VASH2: variants seen among roughly 807,000 people sequenced by gnomAD.
VASH2 encodes the protein vasohibin 2.
Under a neutral mutation model 37.2 loss-of-function variants are expected in VASH2, and 28 were observed. The ratio of observed to expected loss-of-function variants is 0.75; its 90% CI spans 0.56 to 1.03. The LOEUF is 1.03. Among genes scored for constraint, VASH2 ranks in the 50% least tolerant of loss-of-function variants. VASH2 has a pLI of 0.00. For synonymous variants in VASH2, 188 were observed against 174.7 expected, an observed-to-expected ratio of 1.08 and a Z score of -0.60; for missense variants, 419 against 459.1, an observed-to-expected ratio of 0.91 and a Z score of 0.80.
chr1:212,955,608 C>T (rs1168956903), intron 2 of VASH2, among the ~76,000 whole-genome samples: 1 of 152,224 alleles, frequency 6.6e-6, no homozygotes, highest in African/African-American at 2.4e-5. Context: ...TGGAACTGGA[C>T]TCTCCTTGGG....
At chr1:212,978,943 G>T (rs181815680) in intron 7 of VASH2, among the ~76,000 whole-genome samples, 10 of 152,344 alleles carry the variant, frequency 6.6e-5, no homozygotes, top group Admixed American at 2.0e-4. Flanking sequence ...GGTGTTTGAG[G>T]AGGGAAGATT....
In VASH2 at chr1:212,951,409, CGAG is replaced by C; in HGVS notation, c.-133_-131del. The C allele has an allele frequency of 5.8e-6, 2 of 346,150 alleles. No homozygotes were observed. Among genetic ancestry groups the C allele is most frequent in the Non-Finnish European group, 8.2e-6 (2 of 242,774 alleles). 21.4% of individuals were successfully genotyped at this position (346,150 alleles called of 1,614,324 possible). On this transcript the variant is annotated 5_prime_UTR_variant, in exon 2 of 8. Coordinates refer to ENST00000517399, the MANE Select transcript of VASH2 (RefSeq NM_001301056.2). This position sits in a 1 kb window ranked among gnomAD's most constrained non-coding sequence, Gnocchi z 4.4. ...TCCCCCTTGGTGAGTCCTGCCGCAGCGAGAGGCATGGAGAAGGCCGCCCCCGCG... is the reference window on the plus strand; with the variant it reads ...TCCCCCTTGGTGAGTCCTGCCGCAGCAGGCATGGAGAAGGCCGCCCCCGCG...
At chr1:212,967,008 G>A in intron 5 of VASH2, 4 of 885,256 alleles carry the variant, frequency 4.5e-6, no homozygotes, top group Non-Finnish European at 6.6e-6. Context: ...GCCTCCCAAA[G>A]TGTTGAGATT....
rs373652651 is a variant in VASH2 at position 212,963,007 on chromosome 1, T to A, written c.365+1753T>A. On this transcript the variant is annotated intron_variant, in intron 3 of 7. Transcript: ENST00000517399. ...TTTTTTTTAACTTAAAGTCAACTGA[T>A]TATAGGCTTTAAGGTTCCCCACTTC... is the stretch of plus-strand genomic sequence containing the variant. Among the ~76,000 whole-genome samples the A allele has an allele frequency of 8.5e-5, 13 of 152,144 alleles. No homozygotes were observed. The East Asian group carries it at 1.9e-3, about 23-fold the overall frequency.
In VASH2 at chr1:212,955,272, A is replaced by G. The variant is rs553175945; in HGVS notation, c.276+3454A>G. On this transcript the variant is annotated intron_variant, in intron 2 of 7. Transcript: ENST00000517399. ...TGCATGGAGGACTAAATGACACTTC[A>G]TTTGACTACAGGACATTCCCTTAGC... 8.5e-5 allele frequency among the ~76,000 whole-genome samples: 13 copies of G among 152,316 alleles called. 1 individual carries two copies. The South Asian group carries it at 2.5e-3, about 29-fold the overall frequency.
chr1:212,972,456 GA>G, intron 5 of VASH2, 123 bp from the exon 6 acceptor site: 1 of 1,174,968 alleles, frequency 8.5e-7, no homozygotes, highest in Admixed American at 2.3e-5. Context: ...GGAAAAGTTA[GA>G]TGTGGGCCTG....
At chr1:212,966,178 T>A (rs1031422313) in intron 4 of VASH2, 93 bp from the exon 5 acceptor site, 40 of 1,104,074 alleles carry the variant, frequency 3.6e-5, no homozygotes, top group Non-Finnish European at 5.1e-5. Flanking sequence ...GTGTGGTTCC[T>A]GGTGTGGGGA....
intron 2 of VASH2, chr1:212,952,450 AAAG>A (rs1666344660): frequency 1.3e-5 from 2 of 152,666 alleles, no homozygotes; most frequent in East Asian, 1.9e-4. Context: ...CTCCAAGAAA[AAAG>A]AAAGACTTTT....
intron 5 of VASH2, chr1:212,968,852 T>G: frequency 1.0e-6 from 1 of 985,468 alleles, no homozygotes; most frequent in African/African-American, 1.7e-5. Context: ...GTAGACAAGC[T>G]AACTTCAGAC....
chr1:212,972,181 A>G (rs1228166252), intron 5 of VASH2, among the ~76,000 whole-genome samples: 1 of 152,128 alleles, frequency 6.6e-6, no homozygotes, highest in Non-Finnish European at 1.5e-5. Flanking sequence ...AAGAATACCT[A>G]AGCTAGGATG....
At position 212,988,166 on chromosome 1, in the gene VASH2, C is replaced by T. The variant is rs79278133; in HGVS notation, c.996-346C>T. Among the ~76,000 whole-genome samples the T allele has an allele frequency of 8.9e-3, 1,349 of 152,296 alleles. 45 individuals carry two copies. The highest frequency in any genetic ancestry group is 0.072 in the East Asian group (373 of 5,176). On this transcript the variant is annotated intron_variant, in intron 7 of 7. Transcript: ENST00000517399. ...AATTTGACTCAGATTCTTGGCTCTA[C>T]TGTAGTGTATGTGACTTTTAGACCC... is the stretch of plus-strand genomic sequence containing the variant.
At chr1:212,979,123 A>G (rs1055171980) in intron 7 of VASH2, among the ~76,000 whole-genome samples, 7 of 152,210 alleles carry the variant, frequency 4.6e-5, no homozygotes, top group East Asian at 3.8e-4. Flanking sequence ...TTCCCTCTCT[A>G]GATTCCAGCT....
rs146317814 is a variant in VASH2 at position 212,971,485 on chromosome 1, C to T, written c.498-1095C>T. On this transcript the variant is annotated intron_variant, in intron 5 of 7. Coordinates refer to ENST00000517399, the MANE Select transcript of VASH2 (RefSeq NM_001301056.2). This position sits in a 1 kb window ranked among gnomAD's most constrained non-coding sequence, Gnocchi z 4.0. ...GGCAGGCTGTCGGGCACAGCAGACA[C>T]TCAGGGTAAGTGTTTGTCACACTGA... is the stretch of plus-strand genomic sequence containing the variant. 4.6e-3 allele frequency among the ~76,000 whole-genome samples: 705 copies of T among 152,316 alleles called. 6 individuals are homozygous for T. The highest frequency in any genetic ancestry group is 7.6e-3 in the Non-Finnish European group (518 of 68,032).
At chr1:212,964,841 C>G (rs1347200323) in intron 3 of VASH2, among the ~76,000 whole-genome samples, 1 of 152,188 alleles carries the variant, frequency 6.6e-6, no homozygotes, top group Non-Finnish European at 1.5e-5. Flanking sequence ...TTCCATCCAT[C>G]CATATATTCA....
At position 212,961,180 on chromosome 1, in the gene VASH2, G is replaced by T. The variant is rs1249483645; in HGVS notation, c.291G>T (p.Gln97His). 2 of 1,614,014 alleles carry T rather than the reference G, an allele frequency of 1.2e-6. No homozygotes were observed. Among genetic ancestry groups the T allele is most frequent in the South Asian group, 2.2e-5 (2 of 91,070 alleles). Residue 97 changes from glutamine (Q) to histidine (H), a missense_variant, in exon 3 of 8, where the codon CAG (glutamine) becomes CAT (histidine). Physicochemically the swap from Gln to His is conservative, Grantham distance 24. Around this residue, in one of 3 missense-constraint regions of VASH2, gnomAD observed 158 missense variants for 163.0 expected, o/e 0.97. Coordinates refer to ENST00000517399, the MANE Select transcript of VASH2 (RefSeq NM_001301056.2). ...TTTTTCTGCAGCCTTCAATACCCCA[G>T]GTCCCAAACTACAGGCTGTCGATGA... ...AAFLAKPSIP[Q>H]VPNYRLSMTI...
In VASH2 at chr1:212,991,584, A is replaced by T. The variant is rs2075860735; in HGVS notation, c.*3000A>T. On this transcript the variant is annotated 3_prime_UTR_variant, in exon 8 of 8. Transcript: ENST00000517399. ...TTTAATAAAACCATCCTGGAAACTT[A>T]AGGATTGTTTTTCTTCTAAATATGT... The T allele has an allele frequency of 6.6e-6, 1 of 152,194 alleles. No individual in the cohort carries two copies. The highest frequency in any genetic ancestry group is 6.5e-5 in the Admixed American group (1 of 15,270). The allele number at this position is 152,194 out of a possible 1,614,324, so 9.4% of individuals were successfully genotyped here. A position where few individuals can be genotyped will look rare whatever the true frequency, so the allele number is the denominator to read the frequency against.
Position 212,972,740 on chromosome 1 carries a change from T to C in VASH2, c.658T>C (p.Leu220=), listed in dbSNP as rs950525523. ...CAGGGCTGAGCTGATGGACAAGCCATTGACTTTTCGGACTCTGAGTGACCT... is the reference window on the plus strand; with the variant it reads ...CAGGGCTGAGCTGATGGACAAGCCACTGACTTTTCGGACTCTGAGTGACCT... ...SRRAELMDKP[L]TFRTLSDLIF... Residue 220 remains leucine, a synonymous_variant, in exon 6 of 8, where the codon TTG becomes CTG. Transcript: ENST00000517399. 1.2e-5 allele frequency: 20 copies of C among 1,614,126 alleles called. No individual in the cohort carries two copies. In the East Asian group the frequency reaches 3.8e-4, roughly 31 times the overall value.
At chr1:212,972,023 G>A (rs1022237104) in intron 5 of VASH2, among the ~76,000 whole-genome samples, 5 of 152,180 alleles carry the variant, frequency 3.3e-5, no homozygotes, top group Non-Finnish European at 7.3e-5. Context: ...ATGATCCCAG[G>A]CTTGGTGCTG....
At chr1:212,988,373 G>A in intron 7 of VASH2, 139 bp from the exon 8 acceptor site, 1 of 806,616 alleles carries the variant, frequency 1.2e-6, no homozygotes. Context: ...TGTGAGCTAA[G>A]GCTGGCAGGG....
Sources: gnomAD v4.1 joint callset for allele counts (sites outside exome capture counted in the v4.1 genomes callset) on GRCh38, gnomAD v4.1.1 for gene constraint, gnomAD v4.1.1 regional missense constraint, Gnocchi (gnomAD v3.1) non-coding constraint, MANE v1.5 for transcripts, NCBI Gene and HGNC (gene_info 2026-07-23, HGNC 2026-07-21) for gene names.